Variants in PPP1R37 observed in about 807,000 individuals in gnomAD.
The protein encoded by PPP1R37 is protein phosphatase 1 regulatory subunit 37.
A neutral mutation model predicts 61.0 loss-of-function variants in PPP1R37; 21 were observed. The observed-to-expected ratio is 0.34, with a 90% CI of 0.24 to 0.50. PPP1R37 has a LOEUF of 0.50. Among genes scored for constraint, PPP1R37 ranks in the 20% least tolerant of loss-of-function variants. The pLI, the probability that PPP1R37 is intolerant of heterozygous loss-of-function variation, is 0.98. For synonymous variants in PPP1R37, 443 were observed against 433.5 expected, an observed-to-expected ratio of 1.02 and a Z score of -0.27; for missense variants, 910 against 952.7, an observed-to-expected ratio of 0.96 and a Z score of 0.59.
chr19:45,127,352 CAAAAAAA>C (rs11295552), intron 1 of PPP1R37, among the ~76,000 whole-genome samples: 41 of 69,660 alleles, frequency 5.9e-4, no homozygotes, highest in African/African-American at 1.5e-3. Context: ...AACTCCATCT[CAAAAAAA>C]AAAAAAAAAA....
chr19:45,115,809 T>C (rs751166296), intron 1 of PPP1R37, among the ~76,000 whole-genome samples: 6 of 152,096 alleles, frequency 3.9e-5, no homozygotes, highest in African/African-American at 9.7e-5. Flanking sequence ...ACCCCGTCTC[T>C]GCTAAAAATA....
At chr19:45,098,006 C>A (rs1186010509) in intron 1 of PPP1R37, among the ~76,000 whole-genome samples, 2 of 152,160 alleles carry the variant, frequency 1.3e-5, no homozygotes, top group Non-Finnish European at 2.9e-5. Flanking sequence ...CATTGTGTTT[C>A]CTCACCTGTG....
chr19:45,135,561 T>A (rs1968528693), intron 1 of PPP1R37, among the ~76,000 whole-genome samples: 2 of 152,136 alleles, frequency 1.3e-5, no homozygotes, highest in Non-Finnish European at 2.9e-5. Flanking sequence ...GAGTTGAGAG[T>A]GGCTCCAGAG....
chr19:45,132,636 G>A (rs2122743285), intron 1 of PPP1R37, among the ~76,000 whole-genome samples: 1 of 151,920 alleles, frequency 6.6e-6, no homozygotes, highest in South Asian at 2.1e-4. Flanking sequence ...GTATCACCAT[G>A]TTGCCTAGGC....
At chr19:45,141,196 C>A in intron 4 of PPP1R37, 126 bp from the exon 5 acceptor site, 2 of 1,063,192 alleles carry the variant, frequency 1.9e-6, no homozygotes, top group Non-Finnish European at 2.6e-6. Flanking sequence ...GCTTGTCCTC[C>A]TCTCCCGTGT....
chr19:45,104,578 A>G (rs749601400), intron 1 of PPP1R37, among the ~76,000 whole-genome samples: 46 of 152,118 alleles, frequency 3.0e-4, no homozygotes, highest in Non-Finnish European at 5.4e-4. Context: ...GGGCCTCCCA[A>G]TGGCTCTCCT....
At chr19:45,120,971 T>C (rs2122730702) in intron 1 of PPP1R37, among the ~76,000 whole-genome samples, 1 of 152,366 alleles carries the variant, frequency 6.6e-6, no homozygotes, top group South Asian at 2.1e-4. Flanking sequence ...CGGAACCATG[T>C]CCTTGGTCAG....
intron 1 of PPP1R37, among the ~76,000 whole-genome samples, chr19:45,111,046 A>G (rs918327474): frequency 1.3e-5 from 2 of 152,064 alleles, no homozygotes; most frequent in Admixed American, 1.3e-4. Flanking sequence ...GCTAGGAAGC[A>G]TTGAGCCACT....
At chr19:45,109,802 G>A (rs1285029294) in intron 1 of PPP1R37, among the ~76,000 whole-genome samples, 1 of 152,172 alleles carries the variant, frequency 6.6e-6, no homozygotes, top group African/African-American at 2.4e-5. Flanking sequence ...CCTTCCAGTA[G>A]CTTCCTGACT....
Position 45,128,975 on chromosome 19 carries a change from CGTGCT to C in PPP1R37, c.203-9536_203-9532del, listed in dbSNP as rs1199022059. On this transcript the variant is annotated intron_variant, in intron 1 of 12. Transcript: ENST00000221462. ...GCTGTGGAGAAGGGACCCTGATCAC[CGTGCT>C]GTCTGCCATGACAGAGGAGGCAGCT... is the stretch of plus-strand genomic sequence containing the variant. The C allele has an allele frequency of 6.2e-6, 5 of 811,852 alleles. No homozygotes were observed. The East Asian group carries it at 1.8e-4, about 29-fold the overall frequency. The allele number at this position is 811,852 out of a possible 1,614,324, so 50.3% of individuals were successfully genotyped here.
chr19:45,138,994 A>G (rs999641347), intron 2 of PPP1R37, among the ~76,000 whole-genome samples: 1 of 144,082 alleles, frequency 6.9e-6, no homozygotes, highest in African/African-American at 2.6e-5. Context: ...GCTCACTGCA[A>G]CCTCTGCCTC....
intron 1 of PPP1R37, chr19:45,128,804 G>A: frequency 1.6e-6 from 1 of 620,456 alleles, no homozygotes; most frequent in South Asian, 1.7e-5. Flanking sequence ...CTTATAATGT[G>A]GGTGTCCCCA....
chr19:45,103,589 C>G (rs746658748), intron 1 of PPP1R37, among the ~76,000 whole-genome samples: 1 of 145,478 alleles, frequency 6.9e-6, no homozygotes, highest in Non-Finnish European at 1.5e-5. Context: ...AAGCAAAGCA[C>G]TGTCACAGCT....
chr19:45,136,952 G>C (rs948634979), intron 1 of PPP1R37: 2 of 152,268 alleles, frequency 1.3e-5, no homozygotes, highest in Admixed American at 6.5e-5. Context: ...GTGGCAGGAG[G>C]AGGAGTCCAC....
chr19:45,138,905 C>CTTTTTTTTTTTTTTTTT lies in PPP1R37; in HGVS notation c.300+303_300+319dup, dbSNP rs34081163. 2.2e-4 allele frequency among the ~76,000 whole-genome samples: 16 copies of CTTTTTTTTTTTTTTTTT among 73,058 alleles called. 3 individuals are homozygous for CTTTTTTTTTTTTTTTTT. Among genetic ancestry groups the CTTTTTTTTTTTTTTTTT allele is most frequent in the African/African-American group, 8.6e-4 (16 of 18,688 alleles). 47.9% of individuals were successfully genotyped at this position (73,058 alleles called of 152,430 possible). The stretch of plus-strand genomic sequence containing the variant: ...GTCTGAATTACAAAATTTATGTATT[C>CTTTTTTTTTTTTTTTTT]TTTTTTTTTTTTTTTTTTTTTTTTT... On this transcript the variant is annotated intron_variant, in intron 2 of 12. Transcript: ENST00000221462.
intron 1 of PPP1R37, among the ~76,000 whole-genome samples, chr19:45,116,206 A>G (rs1968265253): frequency 6.6e-6 from 1 of 152,216 alleles, no homozygotes; most frequent in Non-Finnish European, 1.5e-5. Context: ...TTCTGACCGC[A>G]TCTGTTTCTG....
In PPP1R37 at chr19:45,144,895, C is replaced by T. The variant is rs929319447; in HGVS notation, c.1029C>T (p.Asn343=). The T allele has an allele frequency of 6.5e-7, 1 of 1,535,528 alleles. No individual in the cohort carries two copies. The highest frequency in any genetic ancestry group is 1.4e-5 in the African/African-American group (1 of 73,038). ...QSLETLNLGH[N]PIGNEGVRHL... is the part of the protein sequence containing the mutation. The stretch of plus-strand genomic sequence containing the variant: ...TGGAGACGCTGAACCTGGGCCACAA[C>T]CCCATCGGGAACGAGGGTGTGCGGC... The change falls in exon 9 of 13, where the codon AAC becomes AAT. Residue 343 remains asparagine (N), a synonymous_variant. Coordinates refer to ENST00000221462, the MANE Select transcript of PPP1R37 (RefSeq NM_019121.2).
chr19:45,138,752 A>ATTTTCTT, intron 2 of PPP1R37, 141 bp downstream of exon 2: 1 of 578,952 alleles, frequency 1.7e-6, no homozygotes, highest in Non-Finnish European at 3.1e-6. Context: ...CTGCTCAGCT[A>ATTTTCTT]GAGAATGAAT....
Position 45,145,611 on chromosome 19 carries a change from G to A in PPP1R37, c.1555G>A (p.Glu519Lys), listed in dbSNP as rs1968682850. ...SDSDGEEEEEEEGERDETPCP... is the reference protein window; with the variant it reads ...SDSDGEEEEEKEGERDETPCP... ...CTCGGATGGGGAGGAAGAGGAGGAA[G>A]AGGAAGGGGAGAGGGACGAGACCCC... The change falls in exon 11 of 13, where the codon GAG (glutamate) becomes AAG (lysine). Residue 519 changes from glutamate (E) to lysine (K), a missense_variant. Physicochemically the swap from Glu to Lys is moderately conservative, Grantham distance 56. Around this residue, in one of 3 missense-constraint regions of PPP1R37, gnomAD observed 549 missense variants for 505.1 expected, o/e 1.09. Coordinates refer to ENST00000221462, the MANE Select transcript of PPP1R37 (RefSeq NM_019121.2). 2 of 1,536,150 alleles carry A rather than the reference G, an allele frequency of 1.3e-6. No homozygotes were observed. The highest frequency in any genetic ancestry group is 1.2e-5 in the South Asian group (1 of 84,072).
Sources: gnomAD v4.1 joint callset for allele counts (sites outside exome capture counted in the v4.1 genomes callset) on GRCh38, gnomAD v4.1.1 for gene constraint, gnomAD v4.1.1 regional missense constraint, MANE v1.5 for transcripts, NCBI Gene and HGNC (gene_info 2026-07-23, HGNC 2026-07-21) for gene names.